The following SLC35G2 variants were observed in gnomAD, a reference collection of about 807,000 sequenced individuals.
The protein encoded by SLC35G2 is transmembrane protein 22.
In SLC35G2, 20 loss-of-function variants were observed where a neutral mutation model predicts 27.2. The observed-to-expected ratio is 0.74, with a 90% CI of 0.52 to 1.07. The LOEUF (loss-of-function observed/expected upper bound fraction) is 1.07, where lower values mean the gene tolerates loss of function less well. Among genes scored for constraint, SLC35G2 ranks in the 50% least tolerant of loss-of-function variants. The pLI is 0.00. For missense variants in SLC35G2, 416 were observed against 493.3 expected (o/e 0.84, Z 1.48); for synonymous variants, 148 against 165.3 (o/e 0.90, Z 0.80).
intron 1 of SLC35G2, among the ~76,000 whole-genome samples, chr3:136,834,262 T>G (rs1168440633): frequency 6.6e-6 from 1 of 152,226 alleles, no homozygotes; most frequent in Non-Finnish European, 1.5e-5. Context: ...CTATTTTAAT[T>G]TCTTTGTTAA....
At chr3:136,851,222 C>G (rs571833040) in intron 1 of SLC35G2, among the ~76,000 whole-genome samples, 1 of 150,354 alleles carries the variant, frequency 6.7e-6, no homozygotes, top group Non-Finnish European at 1.5e-5. Context: ...TGGCCGGGCG[C>G]GGTGGCTCAC....
intron 1 of SLC35G2, among the ~76,000 whole-genome samples, chr3:136,825,442 C>T (rs907102816): frequency 1.3e-5 from 2 of 151,894 alleles, no homozygotes; most frequent in East Asian, 1.9e-4. Context: ...AAGGTTTTGC[C>T]GTGTTGGCCA....
intron 1 of SLC35G2, among the ~76,000 whole-genome samples, chr3:136,849,039 C>T (rs535812938): frequency 3.9e-4 from 60 of 151,922 alleles, no homozygotes; most frequent in Non-Finnish European, 7.4e-4. Flanking sequence ...ATTAGCCGGG[C>T]GTGGTGGCAC....
intron 1 of SLC35G2, among the ~76,000 whole-genome samples, chr3:136,845,809 T>C (rs1382798287): frequency 3.3e-5 from 5 of 151,664 alleles, no homozygotes; most frequent in Admixed American, 2.6e-4. Flanking sequence ...TTGGCCAGGA[T>C]GGTCTTGATC....
At chr3:136,820,404 C>A (rs565402727) in intron 1 of SLC35G2, 13 of 152,254 alleles carry the variant, frequency 8.5e-5, no homozygotes, top group African/African-American at 3.1e-4. Flanking sequence ...TAGCCCATCT[C>A]CATGGCTGGT....
At chr3:136,844,828 C>CAAA (rs1937298624) in intron 1 of SLC35G2, among the ~76,000 whole-genome samples, 1 of 119,464 alleles carries the variant, frequency 8.4e-6, no homozygotes, top group African/African-American at 3.3e-5. Context: ...AAAAAGAAAA[C>CAAA]AAGACAAAAC....
chr3:136,822,807 T>C (rs970809733), intron 1 of SLC35G2, among the ~76,000 whole-genome samples: 6 of 152,210 alleles, frequency 3.9e-5, no homozygotes, highest in Non-Finnish European at 8.8e-5. Context: ...TATGTAAATA[T>C]CTGTTGATGG....
At chr3:136,846,206 C>T (rs192860146) in intron 1 of SLC35G2, among the ~76,000 whole-genome samples, 136 of 152,248 alleles carry the variant, frequency 8.9e-4, no homozygotes, top group African/African-American at 3.0e-3. Flanking sequence ...GACATGCCGA[C>T]GTGCCAGCCT....
At chr3:136,853,557 A>G (rs1231216686) in intron 1 of SLC35G2, among the ~76,000 whole-genome samples, 1 of 152,172 alleles carries the variant, frequency 6.6e-6, no homozygotes, top group Non-Finnish European at 1.5e-5. Context: ...TTTTTGGATA[A>G]TATCACAATT....
In SLC35G2 at chr3:136,825,241, CT is replaced by C. The variant is rs71626025; in HGVS notation, c.-19+5630del. Among the ~76,000 whole-genome samples, 422 of 135,048 alleles carry C rather than the reference CT, an allele frequency of 3.1e-3. 1 individual carries two copies. Among genetic ancestry groups the C allele is most frequent in the Middle Eastern group, 0.012 (3 of 258 alleles). 88.6% of individuals were successfully genotyped at this position (135,048 alleles called of 152,430 possible). A position where few individuals can be genotyped will look rare whatever the true frequency, so the allele number is the denominator to read the frequency against. On this transcript the variant is annotated intron_variant, in intron 1 of 1. Transcript: ENST00000446465. The stretch of plus-strand genomic sequence containing the variant: ...CTAGCTGTGGGTCTATCGTATATAA[CT>C]TTTTTTTTTTTTTTTTGAGACAGAG...
At chr3:136,835,599 A>G (rs1411588735) in intron 1 of SLC35G2, among the ~76,000 whole-genome samples, 1 of 152,220 alleles carries the variant, frequency 6.6e-6, no homozygotes, top group African/African-American at 2.4e-5. Flanking sequence ...TTTCTTAACA[A>G]AGTTTCACTT....
intron 1 of SLC35G2, chr3:136,838,709 G>A (rs1213331410): frequency 6.6e-6 from 1 of 152,210 alleles, no homozygotes; most frequent in Non-Finnish European, 1.5e-5. Flanking sequence ...ACAAATGTGA[G>A]CATGTGGTGC....
At chr3:136,852,381 G>A (rs558215650) in intron 1 of SLC35G2, among the ~76,000 whole-genome samples, 88 of 151,954 alleles carry the variant, frequency 5.8e-4, no homozygotes, top group African/African-American at 1.9e-3. Context: ...AGATGGTGTC[G>A]AAGAACAAAA....
At chr3:136,846,787 C>T (rs1254814897) in intron 1 of SLC35G2, among the ~76,000 whole-genome samples, 2 of 152,212 alleles carry the variant, frequency 1.3e-5, no homozygotes, top group Admixed American at 1.3e-4. Flanking sequence ...ATCCAAAACA[C>T]TTTCTCTTAA....
rs571828318 is a variant in SLC35G2 at position 136,854,276 on chromosome 3, A to AC, written c.-18-165dup. ...AAAAGGGTAAACAATTCCAGTAGGTACCATACATCTGATAAGGCATATTGC... is the reference window on the plus strand; with the variant it reads ...AAAAGGGTAAACAATTCCAGTAGGTACCCATACATCTGATAAGGCATATTGC... On this transcript the variant is annotated intron_variant, in intron 1 of 1. Transcript: ENST00000446465. 5.6e-4 allele frequency among the ~76,000 whole-genome samples: 86 copies of AC among 152,342 alleles called. 1 individual carries two copies. Among genetic ancestry groups the AC allele is most frequent in the African/African-American group, 1.5e-3 (62 of 41,580 alleles).
chr3:136,835,300 CCTTTTT>C lies in SLC35G2; in HGVS notation c.-19+15679_-19+15684del, dbSNP rs1380514118. Reference sequence around the variant, plus strand: ...TGACCTTGACATTTTTGAGTTCAGGCCTTTTTCTTTTTTTTTTTTTTTTGTAGAGTT... The same window carrying C: ...TGACCTTGACATTTTTGAGTTCAGGCCTTTTTTTTTTTTTTTTGTAGAGTT... On this transcript the variant is annotated intron_variant, in intron 1 of 1. Coordinates refer to ENST00000446465, the MANE Select transcript of SLC35G2 (RefSeq NM_025246.3). 6.2e-5 allele frequency among the ~76,000 whole-genome samples: 8 copies of C among 128,032 alleles called. No individual in the cohort carries two copies. The South Asian group carries it at 8.1e-4, about 13-fold the overall frequency. The allele number at this position is 128,032 out of a possible 152,430, so 84.0% of individuals were successfully genotyped here.
At chr3:136,823,229 A>G (rs1398911698) in intron 1 of SLC35G2, among the ~76,000 whole-genome samples, 1 of 152,184 alleles carries the variant, frequency 6.6e-6, no homozygotes, top group Non-Finnish European at 1.5e-5. Context: ...ATGTCTATTC[A>G]GATCTTTTGC....
intron 1 of SLC35G2, among the ~76,000 whole-genome samples, chr3:136,830,766 T>A (rs1219139002): frequency 2.0e-5 from 3 of 152,216 alleles, no homozygotes; most frequent in Non-Finnish European, 4.4e-5. Context: ...CAGTGTATTT[T>A]CAAATGGCCT....
chr3:136,832,279 G>A (rs1936749436), intron 1 of SLC35G2, among the ~76,000 whole-genome samples: 1 of 152,192 alleles, frequency 6.6e-6, no homozygotes, highest in Admixed American at 6.5e-5. Flanking sequence ...CTCCCAAAAT[G>A]CTGGGATTAC....
Sources: allele counts gnomAD v4.1 joint callset (sites outside exome capture counted in the v4.1 genomes callset), GRCh38; gene constraint gnomAD v4.1.1; transcripts MANE v1.5; gene names NCBI Gene and HGNC (gene_info 2026-07-23, HGNC 2026-07-21).